Variants in C19orf47 observed in about 807,000 individuals in gnomAD.
C19orf47 encodes the protein chromosome 19 open reading frame 47.
Under a neutral mutation model 32.3 loss-of-function variants are expected in C19orf47, and 18 were observed. The observed-to-expected ratio is 0.56, with a 90% CI of 0.39 to 0.83. The LOEUF (loss-of-function observed/expected upper bound fraction) is 0.83. Ranked by LOEUF, C19orf47 falls within the 40% of genes least tolerant of loss-of-function variation. The probability of loss-of-function intolerance (pLI) is 0.00; values close to 1 mark genes in which losing one functional copy is unlikely to be tolerated. For missense variants in C19orf47, 484 were observed against 531.6 expected (o/e 0.91, Z 0.88); for synonymous variants, 202 against 211.1 (o/e 0.96, Z 0.37).
the C19orf47 span, among the ~76,000 whole-genome samples, chr19:40,305,335 T>G: frequency 6.7e-6 from 1 of 149,446 alleles, no homozygotes; most frequent in African/African-American, 2.5e-5. Context: ...ACAGTCAGAC[T>G]CTGTCTCAAA....
the C19orf47 span, among the ~76,000 whole-genome samples, chr19:40,307,054 G>A: frequency 7.0e-6 from 1 of 142,516 alleles, no homozygotes; most frequent in African/African-American, 2.6e-5. Context: ...CTCCCAAAGT[G>A]TTGGGATTAC....
At chr19:40,330,421 T>C (rs565339686) in intron 5 of C19orf47, among the ~76,000 whole-genome samples, 47 of 151,852 alleles carry the variant, frequency 3.1e-4, no homozygotes, top group African/African-American at 6.8e-4. Flanking sequence ...TTAGTAGAGA[T>C]GGGGTTTCAC....
intron 4 of C19orf47, 112 bp downstream of exon 4, chr19:40,335,998 C>T: frequency 1.1e-6 from 1 of 870,308 alleles, no homozygotes; most frequent in Non-Finnish European, 1.8e-6. Flanking sequence ...GCTGAACCAG[C>T]CCTGGAACCT....
rs960859864 is a variant in C19orf47 at position 40,321,743 on chromosome 19, C to T, written c.*139G>A. The stretch of plus-strand genomic sequence containing the variant: ...GAGAAATGGGGTGATCCCCCGAATG[C>T]TCGGGCCTAGCTCTAGAGCCCGAGG... On this transcript the variant is annotated 3_prime_UTR_variant, in exon 9 of 9. Coordinates refer to ENST00000683109, the MANE Select transcript of C19orf47 (RefSeq NM_001256441.2). The T allele has an allele frequency of 2.8e-6, 4 of 1,432,702 alleles. No individual in the cohort carries two copies. Among genetic ancestry groups the T allele is most frequent in the Non-Finnish European group, 3.6e-6 (4 of 1,098,430 alleles). The allele number at this position is 1,432,702 out of a possible 1,614,324, so 88.7% of individuals were successfully genotyped here.
At chr19:40,304,250 G>A in the C19orf47 span, among the ~76,000 whole-genome samples, 6 of 152,170 alleles carry the variant, frequency 3.9e-5, no homozygotes, top group Admixed American at 2.0e-4. Flanking sequence ...TTCGAGAAAT[G>A]CCATCCCAAA....
the C19orf47 span, among the ~76,000 whole-genome samples, chr19:40,293,696 C>T: frequency 6.6e-6 from 1 of 150,936 alleles, no homozygotes. Context: ...AAGCTCCTGA[C>T]CTCATGATCT....
the C19orf47 span, among the ~76,000 whole-genome samples, chr19:40,306,791 A>AAT: frequency 2.1e-5 from 3 of 140,058 alleles, no homozygotes; most frequent in South Asian, 2.2e-4. Flanking sequence ...TGTCATTAAA[A>AAT]TTTTTTTTTT....
rs2077815764 is a variant in C19orf47 at position 40,325,732 on chromosome 19, G to A, written c.592+602C>T. Among the ~76,000 whole-genome samples the A allele has an allele frequency of 1.3e-5, 2 of 152,234 alleles. 1 individual carries two copies. Among genetic ancestry groups the A allele is most frequent in the South Asian group, 4.1e-4 (2 of 4,824 alleles). On this transcript the variant is annotated intron_variant, in intron 7 of 8. Transcript: ENST00000683109. Reference sequence around the variant, plus strand: ...AGGTTAACAAGAGACGGGGATATGGGAGTGAGGGAAAAGAGTTTGTTTTTA... The same window carrying A: ...AGGTTAACAAGAGACGGGGATATGGAAGTGAGGGAAAAGAGTTTGTTTTTA...
the C19orf47 span, among the ~76,000 whole-genome samples, chr19:40,314,142 A>T: frequency 6.6e-6 from 1 of 152,076 alleles, no homozygotes; most frequent in Non-Finnish European, 1.5e-5. Context: ...AAAAACAAAA[A>T]CAAGGCTGGG....
chr19:40,311,812 C>A, the C19orf47 span, among the ~76,000 whole-genome samples: 2 of 151,788 alleles, frequency 1.3e-5, no homozygotes, highest in East Asian at 2.0e-4. Context: ...TATACCATCA[C>A]GCCTGGCTAC....
At chr19:40,342,198 A>C in intron 1 of C19orf47, 1 of 466,890 alleles carries the variant, frequency 2.1e-6, no homozygotes. Context: ...TTTAACAATA[A>C]ATACCAGCCA....
chr19:40,335,705 G>A (rs764785860), intron 4 of C19orf47, among the ~76,000 whole-genome samples: 8 of 150,922 alleles, frequency 5.3e-5, no homozygotes, highest in South Asian at 2.1e-4. Context: ...CGCCACCCAC[G>A]TTCACGTCAT....
chr19:40,308,358 T>C, the C19orf47 span, among the ~76,000 whole-genome samples: 1 of 151,826 alleles, frequency 6.6e-6, no homozygotes, highest in Non-Finnish European at 1.5e-5. Context: ...GGTTTCACCA[T>C]GTTAGCCAGG....
chr19:40,327,846 G>C (rs1245562582), intron 6 of C19orf47, among the ~76,000 whole-genome samples: 2 of 152,150 alleles, frequency 1.3e-5, no homozygotes, highest in Non-Finnish European at 2.9e-5. Context: ...AGGCTGGAGG[G>C]GAGCAAGCGA....
intron 2 of C19orf47, among the ~76,000 whole-genome samples, chr19:40,339,984 A>AC (rs934125583): frequency 4.0e-5 from 6 of 151,556 alleles, no homozygotes; most frequent in East Asian, 1.9e-4. Flanking sequence ...TCAAAACAAA[A>AC]AAAAAAAAAA....
At chr19:40,347,167 T>C (rs995460443) in intron 1 of C19orf47, among the ~76,000 whole-genome samples, 1 of 152,138 alleles carries the variant, frequency 6.6e-6, no homozygotes, top group Non-Finnish European at 1.5e-5. Context: ...TAATGGGCTG[T>C]TCAGTTTCCA....
Position 40,331,818 on chromosome 19 carries a change from C to T in C19orf47, c.301+2033G>A, listed in dbSNP as rs143358835. 9.3e-3 allele frequency among the ~76,000 whole-genome samples: 1,422 copies of T among 152,220 alleles called. 14 individuals are homozygous for T. Among genetic ancestry groups the T allele is most frequent in the Non-Finnish European group, 0.014 (977 of 68,012 alleles). On this transcript the variant is annotated intron_variant, in intron 5 of 8. Transcript: ENST00000683109. ...TTGGGGGGCCAAGGTGGGTGGATCA[C>T]CTACAGTCAGGAGCTCGAGACCAGC...
At chr19:40,303,205 G>A in the C19orf47 span, among the ~76,000 whole-genome samples, 1 of 151,146 alleles carries the variant, frequency 6.6e-6, no homozygotes, top group Admixed American at 6.6e-5. Flanking sequence ...TCCAGCCTGG[G>A]CAACAAGAAC....
intron 2 of C19orf47, among the ~76,000 whole-genome samples, chr19:40,340,100 G>T (rs935849113): frequency 6.6e-6 from 1 of 151,852 alleles, no homozygotes; most frequent in Non-Finnish European, 1.5e-5. Context: ...CTCTCGGGGG[G>T]CTGACAATAT....
Sources: gnomAD v4.1 joint callset for allele counts (sites outside exome capture counted in the v4.1 genomes callset) on GRCh38, gnomAD v4.1.1 for gene constraint, MANE v1.5 for transcripts, NCBI Gene and HGNC (gene_info 2026-07-23, HGNC 2026-07-21) for gene names.